NMNAT3: variants seen among roughly 807,000 people sequenced by gnomAD.
NMNAT3 encodes nicotinamide nucleotide adenylyltransferase 3.
Under a neutral mutation model 24.8 loss-of-function variants are expected in NMNAT3, and 21 were observed. The ratio of observed to expected loss-of-function variants is 0.85; its 90% CI spans 0.60 to 1.22. The LOEUF (loss-of-function observed/expected upper bound fraction) is 1.22. Among genes scored for constraint, NMNAT3 ranks in the 50% most tolerant of loss-of-function variants. The probability of loss-of-function intolerance (pLI) is 0.00; values close to 1 mark genes in which losing one functional copy is unlikely to be tolerated. For missense variants in NMNAT3, 387 were observed against 436.6 expected (o/e 0.89, Z 1.01); for synonymous variants, 136 against 155.2 (o/e 0.88, Z 0.92).
At chr3:139,578,726 T>A in intron 5 of NMNAT3, 146 bp downstream of exon 5, 1 of 637,602 alleles carries the variant, frequency 1.6e-6, no homozygotes, top group Non-Finnish European at 2.6e-6. Flanking sequence ...ATCTCTCTCC[T>A]GCTAAGTAGA....
chr3:139,591,281 G>T (rs1181755545), intron 3 of NMNAT3, among the ~76,000 whole-genome samples: 16 of 151,548 alleles, frequency 1.1e-4, no homozygotes, highest in African/African-American at 3.4e-4. Context: ...AACGGCGCAC[G>T]ACGAGACTAT....
intron 4 of NMNAT3, among the ~76,000 whole-genome samples, chr3:139,582,335 C>CGTA (rs1375660148): frequency 3.3e-4 from 49 of 150,436 alleles, no homozygotes; most frequent in Admixed American, 3.1e-3. Context: ...AGAGAATATT[C>CGTA]TTATTCTTAG....
At chr3:139,671,483 G>A (rs1220647505) in intron 1 of NMNAT3, among the ~76,000 whole-genome samples, 2 of 152,146 alleles carry the variant, frequency 1.3e-5, no homozygotes, top group African/African-American at 4.8e-5. Flanking sequence ...CAGAATTTCA[G>A]AAGAAGCCAA....
At chr3:139,617,464 C>T (rs967066832) in intron 3 of NMNAT3, among the ~76,000 whole-genome samples, 1 of 152,190 alleles carries the variant, frequency 6.6e-6, no homozygotes, top group Non-Finnish European at 1.5e-5. Context: ...GCCTCAGCTT[C>T]CTCATCTGTA....
At chr3:139,634,129 C>A (rs1031396202) in intron 2 of NMNAT3, among the ~76,000 whole-genome samples, 2 of 152,212 alleles carry the variant, frequency 1.3e-5, no homozygotes, top group African/African-American at 4.8e-5. Context: ...CTAGTGTGCA[C>A]CCCTCAGCCC....
chr3:139,625,834 G>A (rs2056027022), intron 3 of NMNAT3, among the ~76,000 whole-genome samples: 2 of 152,070 alleles, frequency 1.3e-5, no homozygotes, highest in Admixed American at 6.6e-5. Flanking sequence ...AGGTTTGCTG[G>A]TGGTGAGTTC....
chr3:139,633,181 ATT>A (rs1553755551), intron 2 of NMNAT3, among the ~76,000 whole-genome samples: 30 of 99,294 alleles, frequency 3.0e-4, no homozygotes, highest in Admixed American at 5.9e-4. Context: ...TTTTTGTTTG[ATT>A]TTTTTTTTTT....
At chr3:139,645,592 T>C (rs1246044713) in intron 1 of NMNAT3, among the ~76,000 whole-genome samples, 1 of 152,084 alleles carries the variant, frequency 6.6e-6, no homozygotes, top group African/African-American at 2.4e-5. Context: ...ATACCTGTGC[T>C]CCAGGTAAGA....
chr3:139,579,472 C>G (rs986071169), intron 4 of NMNAT3, among the ~76,000 whole-genome samples: 7 of 152,070 alleles, frequency 4.6e-5, no homozygotes, highest in Non-Finnish European at 1.5e-5. Flanking sequence ...GTTTCTTAGC[C>G]CAAATGGGGA....
At position 139,627,760 on chromosome 3, in the gene NMNAT3, C is replaced by T; in HGVS notation, c.-36G>A. On this transcript the variant is annotated 5_prime_UTR_variant, in exon 3 of 7. The change creates a new upstream start codon in the 5' untranslated region. Coordinates refer to ENST00000643695, the MANE Select transcript of NMNAT3 (RefSeq NM_001320510.2). ...ACATCCACACCTGTTGCAGTGGCCA[C>T]CCTGCTTTTATGGGGACAAAAGCTC... 1 of 1,330,706 alleles carries T rather than the reference C, an allele frequency of 7.5e-7. No individual in the cohort carries two copies. The highest frequency in any genetic ancestry group is 1.0e-6 in the Non-Finnish European group (1 of 961,578). 82.4% of individuals were successfully genotyped at this position (1,330,706 alleles called of 1,614,324 possible). A position where few individuals can be genotyped will look rare whatever the true frequency, so the allele number is the denominator to read the frequency against.
At position 139,633,040 on chromosome 3, in the gene NMNAT3, C is replaced by A. The variant is rs116448768; in HGVS notation, c.-41+4923G>T. Among the ~76,000 whole-genome samples the A allele has an allele frequency of 8.8e-3, 1,342 of 152,198 alleles. 20 individuals carry two copies. Among genetic ancestry groups the A allele is most frequent in the African/African-American group, 0.031 (1,266 of 41,508 alleles). On this transcript the variant is annotated intron_variant, in intron 2 of 6. Transcript: ENST00000643695. ...AGAGGTGCTAGGAAGGGGCCATGAA[C>A]CAAGCAATGCAAACGGCCCCTAGCT...
intron 6 of NMNAT3, among the ~76,000 whole-genome samples, chr3:139,564,097 T>C (rs1412325377): frequency 6.6e-6 from 1 of 152,230 alleles, no homozygotes; most frequent in Non-Finnish European, 1.5e-5. Flanking sequence ...AATCTGCTGG[T>C]ACCCTCAGGA....
intron 3 of NMNAT3, among the ~76,000 whole-genome samples, chr3:139,604,591 A>G (rs552003836): frequency 2.0e-5 from 3 of 152,324 alleles, no homozygotes; most frequent in Non-Finnish European, 2.9e-5. Context: ...GCCTAAGCTT[A>G]CAAAGCTAAT....
intron 1 of NMNAT3, among the ~76,000 whole-genome samples, chr3:139,665,899 A>G (rs2057565579): frequency 6.6e-6 from 1 of 152,358 alleles, no homozygotes; most frequent in Non-Finnish European, 1.5e-5. Context: ...AGCATATAAA[A>G]AATATAGCAG....
chr3:139,611,598 T>C (rs2055218473), intron 3 of NMNAT3, among the ~76,000 whole-genome samples: 1 of 152,136 alleles, frequency 6.6e-6, no homozygotes, highest in Admixed American at 6.5e-5. Flanking sequence ...TGCAGTTCTT[T>C]CTTTTGTGGG....
chr3:139,599,373 C>G, intron 3 of NMNAT3: 1 of 702,496 alleles, frequency 1.4e-6, no homozygotes, highest in South Asian at 1.5e-5. Context: ...AGTCTGGCCC[C>G]TACCACCTCA....
At chr3:139,674,625 A>G (rs2057866673) in intron 1 of NMNAT3, among the ~76,000 whole-genome samples, 1 of 152,166 alleles carries the variant, frequency 6.6e-6, no homozygotes, top group East Asian at 1.9e-4. Flanking sequence ...TTAAAATTTC[A>G]CTTAGTCAAG....
chr3:139,648,421 T>C (rs1390616916), intron 1 of NMNAT3, among the ~76,000 whole-genome samples: 1 of 152,158 alleles, frequency 6.6e-6, no homozygotes, highest in Non-Finnish European at 1.5e-5. Context: ...GGCAGCCAAC[T>C]CCCAGTTCTG....
chr3:139,666,379 A>G (rs2057583503), intron 1 of NMNAT3, among the ~76,000 whole-genome samples: 1 of 152,172 alleles, frequency 6.6e-6, no homozygotes, highest in Non-Finnish European at 1.5e-5. Flanking sequence ...CTGATGTGCC[A>G]TTCCAGCATC....
Sources: gnomAD v4.1 joint callset for allele counts (sites outside exome capture counted in the v4.1 genomes callset) on GRCh38, gnomAD v4.1.1 for gene constraint, MANE v1.5 for transcripts, NCBI Gene and HGNC (gene_info 2026-07-23, HGNC 2026-07-21) for gene names.